MARCO: variants seen among roughly 807,000 people sequenced by gnomAD.
MARCO encodes the protein macrophage receptor MARCO.
Under a neutral mutation model 70.0 loss-of-function variants are expected in MARCO, and 72 were observed. The ratio of observed to expected loss-of-function variants is 1.03; its 90% confidence interval spans 0.85 to 1.25. The LOEUF is 1.25. Among genes scored for constraint, MARCO ranks in the 50% most tolerant of loss-of-function variants. MARCO has a pLI of 0.00. For synonymous variants in MARCO, 273 were observed against 243.1 expected, an observed-to-expected ratio of 1.12 and a Z score of -1.14; for missense variants, 696 against 659.3, an observed-to-expected ratio of 1.06 and a Z score of -0.61.
Position 118,970,134 on chromosome 2 carries a change from CTCCGGG to C in MARCO, c.224_229del (p.Arg75_Val76del). 1 of 1,614,098 alleles carries C rather than the reference CTCCGGG, an allele frequency of 6.2e-7. No individual in the cohort carries two copies. The highest frequency in any genetic ancestry group is 1.1e-5 in the South Asian group (1 of 91,070). Reference sequence around the variant, plus strand: ...CCCAGTTCTGAATCTGCAGGCGCGGCTCCGGGTCCTGGAGATGTATTTCCTCAATGA... The same window carrying C: ...CCCAGTTCTGAATCTGCAGGCGCGGCTCCTGGAGATGTATTTCCTCAATGA... On this transcript the variant is annotated inframe_deletion, in exon 3 of 17. Transcript: ENST00000327097.
chr2:118,983,157 A>G (rs147061443), intron 12 of MARCO, among the ~76,000 whole-genome samples: 4 of 152,338 alleles, frequency 2.6e-5, no homozygotes, highest in Middle Eastern at 3.4e-3. Flanking sequence ...CACATTGGAA[A>G]GCCAAGAGCG....
At chr2:118,989,925 A>AG (rs1309836320) in intron 12 of MARCO, among the ~76,000 whole-genome samples, 1 of 152,256 alleles carries the variant, frequency 6.6e-6, no homozygotes, top group East Asian at 1.9e-4. Flanking sequence ...GTGACCCAGC[A>AG]GGATGCTGGG....
intron 2 of MARCO, 54 bp from the exon 3 acceptor site, chr2:118,970,060 G>T (rs1680131737): frequency 4.2e-6 from 6 of 1,428,194 alleles, no homozygotes; most frequent in Non-Finnish European, 5.9e-6. Flanking sequence ...AAGAATGTCA[G>T]GGATATGCTC....
intron 4 of MARCO, among the ~76,000 whole-genome samples, chr2:118,972,903 C>T (rs1419531818): frequency 6.6e-6 from 1 of 152,230 alleles, no homozygotes; most frequent in East Asian, 1.9e-4. Flanking sequence ...AGGCACAGTG[C>T]TGCCCACCTC....
At chr2:118,974,491 G>T (rs1177751462) in intron 5 of MARCO, 30 bp from the exon 6 acceptor site, 2 of 1,613,546 alleles carry the variant, frequency 1.2e-6, no homozygotes, top group Non-Finnish European at 1.7e-6. Flanking sequence ...TCCTTCTCTG[G>T]CTTCACTCTG....
chr2:118,964,543 C>T (rs548358806), intron 1 of MARCO, among the ~76,000 whole-genome samples: 1 of 152,042 alleles, frequency 6.6e-6, no homozygotes, highest in Non-Finnish European at 1.5e-5. Flanking sequence ...TAAGCTGTAC[C>T]ACTTACATCT....
At chr2:118,971,459 C>T (rs370303523) in intron 3 of MARCO, 40 bp from the exon 4 acceptor site, 15 of 1,609,098 alleles carry the variant, frequency 9.3e-6, no homozygotes, top group African/African-American at 1.3e-5. Context: ...GCCAAGGGTA[C>T]CCCACAGCTC....
chr2:118,988,046 A>G (rs1370258957), intron 12 of MARCO, among the ~76,000 whole-genome samples: 3 of 152,174 alleles, frequency 2.0e-5, no homozygotes, highest in African/African-American at 7.2e-5. Context: ...CTCACCTAGC[A>G]TCTCTGAGTG....
intron 6 of MARCO, among the ~76,000 whole-genome samples, chr2:118,976,528 C>T (rs1680287240): frequency 6.6e-6 from 1 of 152,056 alleles, no homozygotes; most frequent in Admixed American, 6.5e-5. Context: ...CCCTCCCTGC[C>T]CCTGCCCCTG....
chr2:118,969,218 C>A lies in MARCO; in HGVS notation c.156C>A (p.Tyr52Ter). 1 of 1,614,226 alleles carries A rather than the reference C, an allele frequency of 6.2e-7. No homozygotes were observed. The highest frequency in any genetic ancestry group is 8.5e-7 in the Non-Finnish European group (1 of 1,180,034). ...TCTCCCTAGCTGTGGTGGTCATCTACCTGATCCTGCTCACCGCTGGCGCTG... is the reference window on the plus strand; with the variant it reads ...TCTCCCTAGCTGTGGTGGTCATCTAACTGATCCTGCTCACCGCTGGCGCTG... The part of the protein sequence containing the change: ...VNFSLAVVVI[Y>*]LILLTAGAGL... Residue 52 changes from tyrosine (Y) to a stop codon, truncating the protein, a stop_gained, in exon 2 of 17, where the codon TAC (tyrosine) becomes TAA (stop). Coordinates refer to ENST00000327097, the MANE Select transcript of MARCO (RefSeq NM_006770.4). LOFTEE classifies it high-confidence loss of function.
intron 6 of MARCO, among the ~76,000 whole-genome samples, chr2:118,977,138 G>A (rs1680297950): frequency 6.6e-6 from 1 of 152,074 alleles, no homozygotes; most frequent in South Asian, 2.1e-4. Context: ...CTGTCTTTGT[G>A]ACCCAAACAC....
At chr2:118,962,898 G>A (rs967369808) in intron 1 of MARCO, among the ~76,000 whole-genome samples, 9 of 151,992 alleles carry the variant, frequency 5.9e-5, no homozygotes, top group Non-Finnish European at 1.2e-4. Context: ...GTTAGTGATA[G>A]TATTTTCTTA....
At chr2:118,960,381 AT>A (rs1198270426) in intron 1 of MARCO, among the ~76,000 whole-genome samples, 1 of 152,094 alleles carries the variant, frequency 6.6e-6, no homozygotes, top group African/African-American at 2.4e-5. Context: ...ATTAAGTATG[AT>A]GTTAGCTTTA....
At chr2:118,971,732 C>G (rs1680175927) in intron 4 of MARCO, among the ~76,000 whole-genome samples, 198 bp downstream of exon 4, 1 of 152,210 alleles carries the variant, frequency 6.6e-6, no homozygotes, top group Admixed American at 6.5e-5. Flanking sequence ...GGGCTGTCAT[C>G]CCCCTCCTTA....
chr2:118,960,502 T>C (rs1475313147), intron 1 of MARCO, among the ~76,000 whole-genome samples: 1 of 152,168 alleles, frequency 6.6e-6, no homozygotes, highest in African/African-American at 2.4e-5. Flanking sequence ...AGTTTTGAAT[T>C]ATAATGATGA....
chr2:118,990,569 C>CGGGGGTGG lies in MARCO; in HGVS notation c.1064-20_1064-19insGGGGGTGG. 4 of 1,415,924 alleles carry CGGGGGTGG rather than the reference C, an allele frequency of 2.8e-6. No homozygotes were observed. Among genetic ancestry groups the CGGGGGTGG allele is most frequent in the Non-Finnish European group, 3.9e-6 (4 of 1,028,284 alleles). 87.7% of individuals were successfully genotyped at this position (1,415,924 alleles called of 1,614,324 possible). A position where few individuals can be genotyped will look rare whatever the true frequency, so the allele number is the denominator to read the frequency against. ...AGTTTTATTATCTCCTCCCCCCCCC[C>CGGGGGTGG]TTTTTTGTTTTGATCTTAGGACTTC... On this transcript the variant is annotated intron_variant, in intron 12 of 16. Transcript: ENST00000327097.
rs774283026 is a variant in MARCO, at chr2:118,974,390, C to T, written c.518C>T (p.Pro173Leu). ...CCTGGTGCCCCTGGCCCGCCGGGAC[C>T]ACCTGCTGAGAAGGGAGCCAAGGGG... ...GMPGAPGPPG[P>L]PAEKGAKGAM... The change falls in exon 5 of 17, where the codon CCA becomes CTA. Residue 173 changes from proline to leucine, a missense_variant. By Grantham distance (98) the Pro-to-Leu change is moderately conservative. This residue lies in a region of MARCO where 605 missense variants were observed against 537.6 expected (regional missense o/e 1.13). Coordinates refer to ENST00000327097, the MANE Select transcript of MARCO (RefSeq NM_006770.4). 2 of 1,612,272 alleles carry T rather than the reference C, an allele frequency of 1.2e-6. No individual in the cohort carries two copies. Among genetic ancestry groups the T allele is most frequent in the Non-Finnish European group, 1.7e-6 (2 of 1,179,358 alleles).
At position 118,977,618 on chromosome 2, in the gene MARCO, C is replaced by T; in HGVS notation, c.658+103C>T. 5.7e-6 allele frequency: 6 copies of T among 1,054,002 alleles called. 1 individual carries two copies. The highest frequency in any genetic ancestry group is 2.9e-4 in the Middle Eastern group (1 of 3,432). 65.3% of individuals were successfully genotyped at this position (1,054,002 alleles called of 1,614,324 possible). On this transcript the variant is annotated intron_variant, in intron 7 of 16. Transcript: ENST00000327097. ...CTCTTTCCACAGCCCCACCCCAGCCCCTGACAGTTACTGCCCACCCTACAG... is the reference window on the plus strand; with the variant it reads ...CTCTTTCCACAGCCCCACCCCAGCCTCTGACAGTTACTGCCCACCCTACAG...
intron 1 of MARCO, among the ~76,000 whole-genome samples, chr2:118,968,279 CA>C (rs1680094689): frequency 6.6e-6 from 1 of 152,112 alleles, no homozygotes; most frequent in Non-Finnish European, 1.5e-5. Flanking sequence ...TGTAATGTCG[CA>C]AACTGGAAAC....
Sources: allele counts gnomAD v4.1 joint callset (sites outside exome capture counted in the v4.1 genomes callset), GRCh38; gene constraint gnomAD v4.1.1; regional missense constraint gnomAD v4.1.1; transcripts MANE v1.5; gene names NCBI Gene and HGNC (gene_info 2026-07-23, HGNC 2026-07-21).